The following GPD1L variants were observed in gnomAD, a reference collection of about 807,000 sequenced individuals.
The protein encoded by GPD1L is glycerol-3-phosphate dehydrogenase 1-like protein.
In GPD1L, 17 loss-of-function variants were observed where a neutral mutation model predicts 32.9. That is an observed-to-expected ratio of 0.52 (90% confidence interval 0.35 to 0.78). The LOEUF is 0.78. Among genes scored for constraint, GPD1L ranks in the 30% least tolerant of loss-of-function variants. The pLI is 0.01. For synonymous variants in GPD1L, 187 were observed against 165.9 expected, an observed-to-expected ratio of 1.13 and a Z score of -0.98; for missense variants, 361 against 447.8, an observed-to-expected ratio of 0.81 and a Z score of 1.75.
chr3:32,132,831 G>A (rs1333347488), intron 2 of GPD1L, among the ~76,000 whole-genome samples: 3 of 152,152 alleles, frequency 2.0e-5, no homozygotes, highest in Non-Finnish European at 4.4e-5. Flanking sequence ...GGGAATCCAG[G>A]CGATGGATAG....
chr3:32,148,880 C>T (rs1700871507), intron 5 of GPD1L, among the ~76,000 whole-genome samples: 1 of 152,158 alleles, frequency 6.6e-6, no homozygotes, highest in African/African-American at 2.4e-5. Flanking sequence ...TGTTTTCACA[C>T]AACAGAAAGG....
intron 5 of GPD1L, among the ~76,000 whole-genome samples, chr3:32,148,384 G>A (rs1700863185): frequency 1.3e-5 from 2 of 152,162 alleles, no homozygotes; most frequent in African/African-American, 4.8e-5. Context: ...GTAAGTGGAT[G>A]TGCCAGCTAC....
chr3:32,127,414 G>T (rs562839300), intron 1 of GPD1L, among the ~76,000 whole-genome samples: 1 of 152,158 alleles, frequency 6.6e-6, no homozygotes, highest in African/African-American at 2.4e-5. Context: ...CGGCAACCAC[G>T]TGCAGACCTG....
chr3:32,144,059 C>A (rs996179393), intron 4 of GPD1L, among the ~76,000 whole-genome samples: 1 of 152,116 alleles, frequency 6.6e-6, no homozygotes, highest in Non-Finnish European at 1.5e-5. Flanking sequence ...CTGTGGAAGA[C>A]AATGCAGAGG....
intron 5 of GPD1L, chr3:32,151,259 T>C: frequency 1.7e-6 from 1 of 588,602 alleles, no homozygotes; most frequent in Non-Finnish European, 3.2e-6. Flanking sequence ...GGAAGCTATC[T>C]CAGCTCTTAG....
At chr3:32,128,374 A>G (rs778073312) in intron 2 of GPD1L, 121 bp downstream of exon 2, 31 of 837,904 alleles carry the variant, frequency 3.7e-5, no homozygotes, top group South Asian at 2.8e-5. Flanking sequence ...TCCACTACCA[A>G]TTGGTTGGTT....
chr3:32,164,932 G>A (rs574988542), intron 7 of GPD1L, among the ~76,000 whole-genome samples: 4 of 152,176 alleles, frequency 2.6e-5, no homozygotes, highest in East Asian at 3.9e-4. Flanking sequence ...CTGGGCCGGC[G>A]CGGTGGCTCA....
chr3:32,158,852 T>A, intron 5 of GPD1L, 24 bp from the exon 6 acceptor site: 1 of 1,611,586 alleles, frequency 6.2e-7, no homozygotes, highest in Non-Finnish European at 8.5e-7. Flanking sequence ...TAACGGCATC[T>A]GGGCTTTGTC....
At chr3:32,146,778 G>T in intron 5 of GPD1L, 44 bp downstream of exon 5, 1 of 1,092,122 alleles carries the variant, frequency 9.2e-7, no homozygotes, top group South Asian at 1.2e-5. Context: ...CAAGGCAAAT[G>T]TTAGCATCAT....
chr3:32,158,398 G>A (rs74618490), intron 5 of GPD1L: 3,714 of 197,286 alleles, frequency 0.019, 145 homozygotes, highest in African/African-American at 0.08. Context: ...AGGGGTTCTC[G>A]GGAGCTTCCT....
intron 1 of GPD1L, among the ~76,000 whole-genome samples, chr3:32,108,455 CA>C (rs1318380803): frequency 1.3e-5 from 2 of 152,090 alleles, no homozygotes; most frequent in Non-Finnish European, 2.9e-5. Flanking sequence ...TGCAGTGAGC[CA>C]AAATCAGATT....
At chr3:32,165,721 T>C (rs1701137194) in intron 7 of GPD1L, 93 bp from the exon 8 acceptor site, 1 of 745,698 alleles carries the variant, frequency 1.3e-6, no homozygotes, top group Non-Finnish European at 2.5e-6. Flanking sequence ...AGTCACATAC[T>C]AACCTGCAAT....
chr3:32,125,445 A>G (rs1700492351), intron 1 of GPD1L, among the ~76,000 whole-genome samples: 2 of 152,076 alleles, frequency 1.3e-5, no homozygotes, highest in African/African-American at 4.8e-5. Context: ...CCCAGCCCTG[A>G]TTTGCGAAGC....
At chr3:32,121,959 C>T (rs990317877) in intron 1 of GPD1L, among the ~76,000 whole-genome samples, 6 of 151,904 alleles carry the variant, frequency 3.9e-5, no homozygotes, top group South Asian at 2.1e-4. Context: ...TTAGCAGAGA[C>T]GGTGTTTTAC....
At chr3:32,150,384 T>C (rs1700897678) in intron 5 of GPD1L, among the ~76,000 whole-genome samples, 1 of 152,208 alleles carries the variant, frequency 6.6e-6, no homozygotes, top group East Asian at 1.9e-4. Flanking sequence ...TCAAGCTGTT[T>C]TCCTGCCTCA....
Position 32,111,934 on chromosome 3 carries a change from A to T in GPD1L, c.47+5176A>T, listed in dbSNP as rs73827722. Among the ~76,000 whole-genome samples, 745 of 151,792 alleles carry T rather than the reference A, an allele frequency of 4.9e-3. 8 individuals are homozygous for T. The highest frequency in any genetic ancestry group is 0.017 in the African/African-American group (691 of 41,354). ...CTGTTGTGATTCTCACCACACAGAG[A>T]GCTCAGAAACAATTTGAGTGACTAT... On this transcript the variant is annotated intron_variant, in intron 1 of 7. Coordinates refer to ENST00000282541, the MANE Select transcript of GPD1L (RefSeq NM_015141.4).
intron 1 of GPD1L, among the ~76,000 whole-genome samples, chr3:32,110,063 A>G (rs1006500917): frequency 6.6e-6 from 1 of 152,158 alleles, no homozygotes; most frequent in Non-Finnish European, 1.5e-5. Context: ...GACTACAGGC[A>G]CCCGCCACCA....
In GPD1L at chr3:32,158,873, C is replaced by T; in HGVS notation, c.619-3C>T. 1 of 1,613,656 alleles carries T rather than the reference C, an allele frequency of 6.2e-7. No homozygotes were observed. Among genetic ancestry groups the T allele is most frequent in the South Asian group, 1.1e-5 (1 of 91,036 alleles). ...CATCTGGGCTTTGTCATCTCCTTTG[C>T]AGAACATCGTAGCTGTGGGAGCTGG... On this transcript the variant is annotated splice_polypyrimidine_tract_variant and splice_region_variant and intron_variant, in intron 5 of 7. Coordinates refer to ENST00000282541, the MANE Select transcript of GPD1L (RefSeq NM_015141.4).
chr3:32,134,024 G>A (rs1031111985), intron 2 of GPD1L, among the ~76,000 whole-genome samples: 2 of 152,212 alleles, frequency 1.3e-5, no homozygotes, highest in South Asian at 2.1e-4. Flanking sequence ...GCCATTGAAA[G>A]GCAAGACCTG....
Sources: allele counts gnomAD v4.1 joint callset (sites outside exome capture counted in the v4.1 genomes callset), GRCh38; gene constraint gnomAD v4.1.1; transcripts MANE v1.5; gene names NCBI Gene and HGNC (gene_info 2026-07-23, HGNC 2026-07-21).